CLNK: variants seen among roughly 807,000 people sequenced by gnomAD.
CLNK encodes cytokine dependent hematopoietic cell linker.
In CLNK, 74 loss-of-function variants were observed where a neutral mutation model predicts 68.6. That is an observed-to-expected ratio of 1.08 (90% CI 0.89 to 1.31). CLNK has a LOEUF of 1.31. Ranked by LOEUF, CLNK falls within the 50% of genes most tolerant of loss-of-function variation. CLNK has a pLI of 0.00. For synonymous variants in CLNK, 198 were observed against 172.2 expected (o/e 1.15, Z -1.17); for missense variants, 553 against 515.3 (o/e 1.07, Z -0.71).
intron 2 of CLNK, among the ~76,000 whole-genome samples, chr4:10,603,536 C>G (rs1430884496): frequency 6.6e-6 from 1 of 152,216 alleles, no homozygotes. Context: ...GAAGCAGACT[C>G]TGAGACAGAG....
intron 14 of CLNK, among the ~76,000 whole-genome samples, chr4:10,525,046 G>T (rs992267302): frequency 1.3e-5 from 2 of 152,150 alleles, no homozygotes; most frequent in Non-Finnish European, 2.9e-5. Context: ...AGTGACTTTG[G>T]TCAATAAATA....
chr4:10,561,717 C>G (rs1315267908), intron 7 of CLNK, among the ~76,000 whole-genome samples: 6 of 152,146 alleles, frequency 3.9e-5, no homozygotes. Context: ...TCAGACAGCC[C>G]CTGGGGGACT....
At chr4:10,658,000 A>T (rs1468963757) in intron 2 of CLNK, among the ~76,000 whole-genome samples, 3 of 152,212 alleles carry the variant, frequency 2.0e-5, no homozygotes, top group Admixed American at 1.3e-4. Context: ...ACTTGAGGAA[A>T]TCTATCCCCA....
At chr4:10,630,249 C>G (rs1237658044) in intron 2 of CLNK, among the ~76,000 whole-genome samples, 1 of 152,172 alleles carries the variant, frequency 6.6e-6, no homozygotes, top group Non-Finnish European at 1.5e-5. Flanking sequence ...ACAACTTTGC[C>G]TTTCTATAGT....
At chr4:10,718,154 A>G in the CLNK span, among the ~76,000 whole-genome samples, 3 of 152,362 alleles carry the variant, frequency 2.0e-5, no homozygotes, top group Middle Eastern at 3.4e-3. Flanking sequence ...AGAATCAATG[A>G]ACTGGAAGTA....
intron 18 of CLNK, among the ~76,000 whole-genome samples, chr4:10,500,669 T>C (rs1271863480): frequency 9.0e-6 from 1 of 110,778 alleles, no homozygotes; most frequent in Admixed American, 8.8e-5. Flanking sequence ...TGCGTCTCTG[T>C]CTCAAAAAAA....
chr4:10,493,472 T>C (rs909340538), intron 18 of CLNK, among the ~76,000 whole-genome samples: 48 of 152,170 alleles, frequency 3.2e-4, no homozygotes, highest in Non-Finnish European at 8.8e-5. Context: ...TGCTGTGTCC[T>C]CACATGGTCC....
At chr4:10,626,737 G>C (rs1216013043) in intron 2 of CLNK, among the ~76,000 whole-genome samples, 1 of 152,226 alleles carries the variant, frequency 6.6e-6, no homozygotes, top group East Asian at 1.9e-4. Flanking sequence ...CTGCATTACA[G>C]TTTGTAATGT....
At chr4:10,651,766 G>A (rs1452527765) in intron 2 of CLNK, among the ~76,000 whole-genome samples, 1 of 152,036 alleles carries the variant, frequency 6.6e-6, no homozygotes. Context: ...AATTGTGAGT[G>A]ATCAGAATTC....
the CLNK span, among the ~76,000 whole-genome samples, chr4:10,707,341 A>G: frequency 6.6e-6 from 1 of 152,254 alleles, no homozygotes; most frequent in Admixed American, 6.5e-5. Flanking sequence ...TGAGTTGGAC[A>G]AGTTTGCTTT....
chr4:10,734,121 GA>G, the CLNK span, among the ~76,000 whole-genome samples: 1 of 151,908 alleles, frequency 6.6e-6, no homozygotes, highest in Admixed American at 6.6e-5. Context: ...TTTTTCCCTA[GA>G]ACAACCATAT....
At chr4:10,565,627 A>T (rs1469120098) in intron 6 of CLNK, among the ~76,000 whole-genome samples, 1 of 151,742 alleles carries the variant, frequency 6.6e-6, no homozygotes, top group South Asian at 2.1e-4. Flanking sequence ...CTCATTTAAC[A>T]TTTCCCATGC....
intron 2 of CLNK, among the ~76,000 whole-genome samples, chr4:10,656,289 A>T (rs1166129335): frequency 1.3e-5 from 2 of 151,194 alleles, no homozygotes; most frequent in Admixed American, 1.3e-4. Context: ...AGAATAAATA[A>T]ATAATGCATA....
At chr4:10,701,738 C>T in the CLNK span, among the ~76,000 whole-genome samples, 28 of 152,288 alleles carry the variant, frequency 1.8e-4, no homozygotes, top group South Asian at 1.0e-3. Context: ...AATTTATAGA[C>T]GGGAAAACTG....
intron 2 of CLNK, among the ~76,000 whole-genome samples, chr4:10,609,398 C>T (rs1157914526): frequency 6.6e-6 from 1 of 152,230 alleles, no homozygotes; most frequent in Non-Finnish European, 1.5e-5. Context: ...GGCTGCATTC[C>T]TGTCTTCTAG....
chr4:10,579,794 TA>T (rs911307365), intron 4 of CLNK, among the ~76,000 whole-genome samples: 4 of 152,130 alleles, frequency 2.6e-5, no homozygotes, highest in African/African-American at 9.7e-5. Context: ...CACCCCCACA[TA>T]TCCCCACCTG....
At chr4:10,654,239 A>G (rs1723865649) in intron 2 of CLNK, among the ~76,000 whole-genome samples, 1 of 151,868 alleles carries the variant, frequency 6.6e-6, no homozygotes, top group South Asian at 2.1e-4. Flanking sequence ...AGTTGAATTT[A>G]TCTCAGAAAT....
intron 4 of CLNK, among the ~76,000 whole-genome samples, chr4:10,577,943 T>G (rs1387999832): frequency 6.6e-6 from 1 of 152,186 alleles, no homozygotes; most frequent in Non-Finnish European, 1.5e-5. Context: ...TCATGGGAGC[T>G]GAGTCGAGAA....
Position 10,491,897 on chromosome 4 carries a change from G to A in CLNK, c.1141-1284C>T, listed in dbSNP as rs368020914. On this transcript the variant is annotated intron_variant, in intron 18 of 18. Transcript: ENST00000226951. ...AGATAATATACATTGTATGTACCCA[G>A]TAGGTGATTTTTCATCCCTTAGCCC... Among the ~76,000 whole-genome samples the A allele has an allele frequency of 7.9e-5, 12 of 152,272 alleles. No individual in the cohort carries two copies. In the East Asian group the frequency reaches 2.3e-3, roughly 29 times the overall value.
Sources: allele counts gnomAD v4.1 joint callset (sites outside exome capture counted in the v4.1 genomes callset), GRCh38; gene constraint gnomAD v4.1.1; transcripts MANE v1.5; gene names NCBI Gene and HGNC (gene_info 2026-07-23, HGNC 2026-07-21).